SPATA3: variants seen among roughly 807,000 people sequenced by gnomAD.
SPATA3 encodes the protein spermatogenesis associated 3.
Under a neutral mutation model 5.7 loss-of-function variants are expected in SPATA3, and 6 were observed. That is an observed-to-expected ratio of 1.06 (90% CI 0.58 to 2.09). The LOEUF (loss-of-function observed/expected upper bound fraction) is 2.09. SPATA3 is among the 30% of genes most tolerant of loss of function. SPATA3 has a pLI of 0.00. For synonymous variants in SPATA3, 44 were observed against 48.4 expected (o/e 0.91, Z 0.37); for missense variants, 155 against 130.4 (o/e 1.19, Z -0.92).
downstream of SPATA3, chr2:231,002,929 G>T (rs561257426): frequency 1.1e-3 from 525 of 488,820 alleles, 4 homozygotes; most frequent in Admixed American, 3.3e-3. Flanking sequence ...CTCCCTCCTG[G>T]CCTCAGGGTC....
At chr2:231,004,416 C>T (rs1459766338), downstream of SPATA3, among the ~76,000 whole-genome samples, 1 of 152,060 alleles carries the variant, frequency 6.6e-6, no homozygotes, top group African/African-American at 2.4e-5. Context: ...TTAGAGCTGC[C>T]GGCTCCTTTC....
At chr2:231,015,688 C>T (rs889175466) in intron 6 of SPATA3, among the ~76,000 whole-genome samples, 2 of 152,202 alleles carry the variant, frequency 1.3e-5, no homozygotes, top group Non-Finnish European at 1.5e-5. Flanking sequence ...CCCTAGGCAC[C>T]CTCGGCCTGC....
intron 1 of SPATA3, among the ~76,000 whole-genome samples, chr2:230,998,180 T>C (rs1692200585): frequency 6.6e-6 from 1 of 152,154 alleles, no homozygotes; most frequent in Non-Finnish European, 1.5e-5. Flanking sequence ...TGGGCCACAG[T>C]TTACCCCCCG....
intron 2 of SPATA3, among the ~76,000 whole-genome samples, chr2:231,002,007 G>T (rs1692370826): frequency 6.6e-6 from 1 of 152,222 alleles, no homozygotes; most frequent in African/African-American, 2.4e-5. Flanking sequence ...TGCAGGAAAA[G>T]GCAAGCGTGA....
intron 6 of SPATA3, chr2:231,014,355 C>T (rs996594235): frequency 3.3e-5 from 5 of 152,168 alleles, no homozygotes; most frequent in Admixed American, 2.6e-4. Context: ...TAAGCAAGTG[C>T]TATGTTTCAG....
downstream of SPATA3, among the ~76,000 whole-genome samples, chr2:231,003,049 T>C (rs1692416135): frequency 6.6e-6 from 1 of 152,132 alleles, no homozygotes; most frequent in Non-Finnish European, 1.5e-5. Context: ...ATGGTGTCCC[T>C]GGTCATGGAC....
chr2:231,001,221 A>T (rs1251643089), intron 2 of SPATA3, among the ~76,000 whole-genome samples: 1 of 151,850 alleles, frequency 6.6e-6, no homozygotes, highest in Non-Finnish European at 1.5e-5. Flanking sequence ...TCATAGGAAG[A>T]CCCCATCCAT....
At position 231,000,364 on chromosome 2, in the gene SPATA3, A is replaced by C. The variant is rs1400088248; in HGVS notation, c.791-2A>C. 1 of 1,490,136 alleles carries C rather than the reference A, an allele frequency of 6.7e-7. No homozygotes were observed. Among genetic ancestry groups the C allele is most frequent in the South Asian group, 1.3e-5 (1 of 75,886 alleles). The allele number at this position is 1,490,136 out of a possible 1,614,324, so 92.3% of individuals were successfully genotyped here. On this transcript the variant is annotated splice_acceptor_variant, in intron 1 of 2. Coordinates refer to ENST00000645363, the Ensembl canonical transcript of SPATA3. LOFTEE classifies it high-confidence loss of function. ...CTCACCTCTCTCCTTCTGTCCCCAC[A>C]GGGCCTCTGATTCGCGCCGGCCCGC...
At chr2:231,010,586 T>C (rs1692755380), downstream of SPATA3, among the ~76,000 whole-genome samples, 1 of 152,176 alleles carries the variant, frequency 6.6e-6, no homozygotes, top group South Asian at 2.1e-4. Flanking sequence ...CTATGGCATC[T>C]TGGGAAAGGA....
chr2:231,004,192 A>G (rs1206314785), downstream of SPATA3: 3 of 152,232 alleles, frequency 2.0e-5, no homozygotes. Flanking sequence ...GGCAGAGGAC[A>G]TAGTAGTTCC....
At chr2:231,012,252 A>G (rs76275948), downstream of SPATA3, among the ~76,000 whole-genome samples, 818 of 152,296 alleles carry the variant, frequency 5.4e-3, 5 homozygotes, top group African/African-American at 0.019. Context: ...AGTTCTGTTC[A>G]GGTCTGCGGG....
At chr2:231,010,718 G>A (rs13398605), downstream of SPATA3, among the ~76,000 whole-genome samples, 53,205 of 151,474 alleles carry the variant, frequency 0.35, 9,795 homozygotes, top group Non-Finnish European at 0.4. Flanking sequence ...AAGCTCCAGC[G>A]GAGTCTAGCA....
downstream of SPATA3, among the ~76,000 whole-genome samples, chr2:231,006,219 A>T (rs1363223308): frequency 8.3e-6 from 1 of 119,800 alleles, no homozygotes; most frequent in Non-Finnish European, 1.8e-5. Context: ...AAAAAAAAAA[A>T]GGCCGGGTGT....
intron 2 of SPATA3, among the ~76,000 whole-genome samples, chr2:231,001,142 C>G (rs1262740054): frequency 6.6e-6 from 1 of 152,156 alleles, no homozygotes; most frequent in Non-Finnish European, 1.5e-5. Flanking sequence ...ATGACATCAC[C>G]CATAGTATCT....
downstream of SPATA3, among the ~76,000 whole-genome samples, chr2:231,010,701 A>G (rs1479346532): frequency 6.6e-6 from 1 of 151,950 alleles, no homozygotes; most frequent in Non-Finnish European, 1.5e-5. Context: ...TTGAGGTATT[A>G]TTGTCTAAGC....
At chr2:231,019,258 C>T (rs561555971) in intron 6 of SPATA3, among the ~76,000 whole-genome samples, 4 of 151,628 alleles carry the variant, frequency 2.6e-5, no homozygotes, top group South Asian at 2.1e-4. Flanking sequence ...AGTGAGCCAC[C>T]GTGCCAGGCC....
downstream of SPATA3, among the ~76,000 whole-genome samples, chr2:231,003,781 T>A (rs1692441713): frequency 6.6e-6 from 1 of 152,210 alleles, no homozygotes; most frequent in Admixed American, 6.5e-5. Flanking sequence ...ATCGTCTGTT[T>A]TCCTTGCCTT....
downstream of SPATA3, among the ~76,000 whole-genome samples, chr2:231,003,145 G>T (rs920811373): frequency 6.6e-6 from 1 of 152,178 alleles, no homozygotes. Context: ...TGCCTGGAAA[G>T]CTTGTCTCCT....
intron 1 of SPATA3, chr2:230,996,492 C>T: frequency 6.4e-7 from 1 of 1,552,210 alleles, no homozygotes; most frequent in Non-Finnish European, 8.7e-7. Context: ...CCTTTTATCT[C>T]CAGATGCTAA....
Sources: allele counts gnomAD v4.1 joint callset (sites outside exome capture counted in the v4.1 genomes callset), GRCh38; gene constraint gnomAD v4.1.1; transcripts MANE v1.5; gene names NCBI Gene and HGNC (gene_info 2026-07-23, HGNC 2026-07-21).